The following EMC1 variants were observed in gnomAD, a reference collection of about 807,000 sequenced individuals.
The protein encoded by EMC1 is ER membrane protein complex subunit 1.
EMC1 carries 103 observed loss-of-function variants against 128.8 expected under a neutral mutation model. That is an observed-to-expected ratio of 0.80 (90% CI 0.68 to 0.94). The LOEUF (loss-of-function observed/expected upper bound fraction) is 0.94. Among genes scored for constraint, EMC1 ranks in the 40% least tolerant of loss-of-function variants. The probability of loss-of-function intolerance (pLI) is 0.00; values close to 1 mark genes in which losing one functional copy is unlikely to be tolerated. For missense variants in EMC1, 1,083 were observed against 1,250.6 expected, an observed-to-expected ratio of 0.87 and a Z score of 2.02; for synonymous variants, 442 against 490.4, an observed-to-expected ratio of 0.90 and a Z score of 1.30.
rs1413224820 is a variant in EMC1 at position 19,240,060 on chromosome 1, G to A, written c.787-75C>T. 3.5e-6 allele frequency: 5 copies of A among 1,442,692 alleles called. No homozygotes were observed. The African/African-American group carries it at 5.7e-5, about 16-fold the overall frequency. The allele number at this position is 1,442,692 out of a possible 1,614,324, so 89.4% of individuals were successfully genotyped here. On this transcript the variant is annotated intron_variant, in intron 7 of 22. Coordinates refer to ENST00000477853, the MANE Select transcript of EMC1 (RefSeq NM_015047.3). ...GACCCATCCCAGGCTCACAACCTCT[G>A]CCCTACTTTGCCGGGGGAAGTAACT...
chr1:19,219,727 CTG>C (rs1558088986), intron 21 of EMC1, 29 bp from the exon 22 acceptor site: 3 of 1,613,670 alleles, frequency 1.9e-6, no homozygotes, highest in Non-Finnish European at 2.5e-6. Context: ...GACAGGCAGT[CTG>C]AGCACTGCTG....
Position 19,230,956 on chromosome 1 carries a change from G to C in EMC1, c.1952C>G (p.Ala651Gly), listed in dbSNP as rs756490055. The C allele has an allele frequency of 1.9e-6, 3 of 1,614,068 alleles. No homozygotes were observed. Among genetic ancestry groups the C allele is most frequent in the Middle Eastern group, 1.7e-4 (1 of 6,060 alleles). ...LLIDDEYKVT[A>G]FPATRNVLRQ... ...CAAGACATTCCGAGTGGCTGGAAAA[G>C]CTGTGACCTTGAAAAACCCAGAGAG... Residue 651 changes from alanine (A) to glycine (G), a missense_variant, in exon 17 of 23, where the codon GCT becomes GGT. Physicochemically the swap from Ala to Gly is moderately conservative, Grantham distance 60. Around this residue, in one of 3 missense-constraint regions of EMC1, gnomAD observed 527 missense variants for 644.1 expected, o/e 0.82. Coordinates refer to ENST00000477853, the MANE Select transcript of EMC1 (RefSeq NM_015047.3).
In EMC1 at chr1:19,231,241, A is replaced by G. The variant is rs757856466; in HGVS notation, c.1944+20T>C. ...ACCGGACTCCGCTAGCATGTTCTCC[A>G]TCCCCTCTGAAGACAGTACCTTGTA... On this transcript the variant is annotated intron_variant, in intron 16 of 22. Coordinates refer to ENST00000477853, the MANE Select transcript of EMC1 (RefSeq NM_015047.3). 6.3e-7 allele frequency: 1 copy of G among 1,577,174 alleles called. No individual in the cohort carries two copies. Among genetic ancestry groups the G allele is most frequent in the South Asian group, 1.2e-5 (1 of 85,180 alleles).
At chr1:19,250,419 A>C (rs2093653229) in intron 1 of EMC1, among the ~76,000 whole-genome samples, 1 of 152,080 alleles carries the variant, frequency 6.6e-6, no homozygotes, top group African/African-American at 2.4e-5. Flanking sequence ...TTAGATACAC[A>C]TATCACCCGA....
At chr1:19,245,623 C>T (rs2093628334) in intron 1 of EMC1, among the ~76,000 whole-genome samples, 1 of 97,348 alleles carries the variant, frequency 1.0e-5, no homozygotes, top group Non-Finnish European at 1.9e-5. Flanking sequence ...GGCACCTTAC[C>T]TTTCTTTTTT....
intron 18 of EMC1, among the ~76,000 whole-genome samples, chr1:19,225,112 G>T (rs1198857892): frequency 1.3e-5 from 2 of 151,956 alleles, no homozygotes; most frequent in African/African-American, 4.8e-5. Flanking sequence ...TTTATTATTA[G>T]CCTCACCCAA....
At chr1:19,237,961 G>A in intron 11 of EMC1, 56 bp downstream of exon 11, 4 of 1,591,256 alleles carry the variant, frequency 2.5e-6, no homozygotes, top group Non-Finnish European at 3.4e-6. Context: ...CTGAGGAAAG[G>A]AAGCCATGTG....
Position 19,237,219 on chromosome 1 carries a change from A to G in EMC1, c.1232T>C (p.Leu411Ser). The G allele has an allele frequency of 6.2e-7, 1 of 1,613,926 alleles. No individual in the cohort carries two copies. Among genetic ancestry groups the G allele is most frequent in the Middle Eastern group, 1.6e-4 (1 of 6,062 alleles). ...RPERLYIQVFLKKDDSVGYRA... is the reference protein window; with the variant it reads ...RPERLYIQVFSKKDDSVGYRA... ...GTAGCCCACTGAGTCATCCTTCTTC[A>G]AGAACACCTGGATATACAGCTATAA... Residue 411 changes from leucine to serine, a missense_variant, in exon 12 of 23, where the codon TTG becomes TCG. By Grantham distance (145) the Leu-to-Ser change is moderately radical. Transcript: ENST00000477853.
chr1:19,250,945 G>A (rs2093656138), intron 1 of EMC1, among the ~76,000 whole-genome samples: 1 of 152,188 alleles, frequency 6.6e-6, no homozygotes, highest in Non-Finnish European at 1.5e-5. Flanking sequence ...TGAGCCCAGG[G>A]CCAGACTAGG....
Position 19,241,058 on chromosome 1 carries a change from G to T in EMC1, c.594C>A (p.Asn198Lys). 1 of 1,614,082 alleles carries T rather than the reference G, an allele frequency of 6.2e-7. No homozygotes were observed. Among genetic ancestry groups the T allele is most frequent in the Non-Finnish European group, 8.5e-7 (1 of 1,180,006 alleles). The change falls in exon 6 of 23, where the codon AAC becomes AAA. Residue 198 changes from asparagine (N) to lysine (K), a missense_variant. Asn to Lys is a moderately conservative substitution (Grantham distance 94). Around this residue, in one of 3 missense-constraint regions of EMC1, gnomAD observed 544 missense variants for 572.4 expected, o/e 0.95. Coordinates refer to ENST00000477853, the MANE Select transcript of EMC1 (RefSeq NM_015047.3). Reference protein sequence around the residue: ...ALGVVPFSHVNIVKFNVEDGE... With the variant: ...ALGVVPFSHVKIVKFNVEDGE... ...CATCTTCCACATTAAACTTGACAAT[G>T]TTCACATGGCTGAAGGGAACAACTC...
intron 15 of EMC1, 77 bp from the exon 16 acceptor site, chr1:19,231,499 C>G: frequency 2.8e-6 from 4 of 1,436,890 alleles, no homozygotes; most frequent in Non-Finnish European, 3.8e-6. Flanking sequence ...AGAGCTGGGA[C>G]TCCAGCTCAA....
rs764914973 is a variant in EMC1, at chr1:19,222,636, G to A, written c.2575C>T (p.Arg859Ter). 23 of 1,613,612 alleles carry A rather than the reference G, an allele frequency of 1.4e-5. No homozygotes were observed. The highest frequency in any genetic ancestry group is 7.7e-5 in the South Asian group (7 of 91,040). Residue 859 changes from arginine (R) to a stop codon, truncating the protein, a stop_gained, in exon 20 of 23, where the codon CGA becomes TGA. Coordinates refer to ENST00000477853, the MANE Select transcript of EMC1 (RefSeq NM_015047.3). LOFTEE classifies it high-confidence loss of function. ...ATITERGITS[R>*]HLLIGLPSGA... is the part of the protein sequence containing the mutation. ...CCCAGTCACTCACTCAGCAGGTGTC[G>A]GCTGGTGATGCCCCGTTCGGTGATG...
chr1:19,220,655 C>CCTA, intron 21 of EMC1, 109 bp downstream of exon 21: 1 of 812,370 alleles, frequency 1.2e-6, no homozygotes, highest in South Asian at 2.1e-5. Flanking sequence ...TGCTACATCC[C>CCTA]CAGCCCCTAG....
At chr1:19,243,764 G>T in intron 3 of EMC1, 57 bp from the exon 4 acceptor site, 5 of 1,575,284 alleles carry the variant, frequency 3.2e-6, no homozygotes, top group Non-Finnish European at 3.5e-6. Context: ...CGCTTCCTAG[G>T]GTCCCACTGT....
intron 20 of EMC1, 69 bp from the exon 21 acceptor site, chr1:19,220,917 T>C (rs1474834923): frequency 1.8e-6 from 2 of 1,110,224 alleles, no homozygotes; most frequent in Non-Finnish European, 2.7e-6. Flanking sequence ...AAAATGTCAT[T>C]ATTGCAGACA....
At chr1:19,231,149 C>G in intron 16 of EMC1, 112 bp downstream of exon 16, 1 of 1,377,674 alleles carries the variant, frequency 7.3e-7, no homozygotes, top group African/African-American at 1.5e-5. Flanking sequence ...GCCTTAGAGC[C>G]CAAACACGTG....
At position 19,235,141 on chromosome 1, in the gene EMC1, C is replaced by G. The variant is rs769159975; in HGVS notation, c.1421G>C (p.Gly474Ala). 2 of 1,612,908 alleles carry G rather than the reference C, an allele frequency of 1.2e-6. No individual in the cohort carries two copies. The highest frequency in any genetic ancestry group is 8.5e-7 in the Non-Finnish European group (1 of 1,179,528). ...GAQAELEGEF[G>A]KKADGLLGMF... is the part of the protein sequence containing the mutation. Reference sequence around the variant, plus strand: ...TCTTAGGTTCATACCTGCCTTTTTGCCAAATTCTCCTTCCAGCTCGGCCTG... The same window carrying G: ...TCTTAGGTTCATACCTGCCTTTTTGGCAAATTCTCCTTCCAGCTCGGCCTG... Residue 474 changes from glycine (G) to alanine (A), a missense_variant, in exon 13 of 23, where the codon GGC becomes GCC. Coordinates refer to ENST00000477853, the MANE Select transcript of EMC1 (RefSeq NM_015047.3).
chr1:19,244,758 G>C (rs1261715952), intron 2 of EMC1, 148 bp downstream of exon 2: 3 of 822,472 alleles, frequency 3.6e-6, no homozygotes, highest in African/African-American at 2.0e-5. Flanking sequence ...AAGATGGTAA[G>C]ACTGAAAAAA....
At chr1:19,227,486 G>A in intron 17 of EMC1, 36 bp from the exon 18 acceptor site, 1 of 1,613,234 alleles carries the variant, frequency 6.2e-7, no homozygotes, top group Non-Finnish European at 8.5e-7. Context: ...AATCAGGAGG[G>A]TACACTTAGA....
Sources: gnomAD v4.1 joint callset for allele counts (sites outside exome capture counted in the v4.1 genomes callset) on GRCh38, gnomAD v4.1.1 for gene constraint, gnomAD v4.1.1 regional missense constraint, MANE v1.5 for transcripts, NCBI Gene and HGNC (gene_info 2026-07-23, HGNC 2026-07-21) for gene names.